The following FBXL17 variants were observed in gnomAD, a reference collection of about 807,000 sequenced individuals.
The protein encoded by FBXL17 is F-box and leucine rich repeat protein 17.
Under a neutral mutation model 66.2 loss-of-function variants are expected in FBXL17, and 22 were observed. That is an observed-to-expected ratio of 0.33 (90% CI 0.24 to 0.47). The LOEUF is 0.47. Ranked by LOEUF, FBXL17 falls within the 20% of genes least tolerant of loss-of-function variation. FBXL17 has a pLI of 1.00. For synonymous variants in FBXL17, 474 were observed against 400.5 expected (o/e 1.18, Z -2.19); for missense variants, 878 against 948.2 (o/e 0.93, Z 0.97).
chr5:108,332,334 A>T (rs1404452970), intron 4 of FBXL17, among the ~76,000 whole-genome samples: 1 of 152,166 alleles, frequency 6.6e-6, no homozygotes, highest in African/African-American at 2.4e-5. Context: ...TAACTAGTAA[A>T]ATTCTATGTT....
intron 6 of FBXL17, among the ~76,000 whole-genome samples, chr5:108,062,087 A>G (rs1747946417): frequency 6.6e-6 from 1 of 152,108 alleles, no homozygotes; most frequent in African/African-American, 2.4e-5. Context: ...AATAAATAAA[A>G]TTGAAAAGAT....
At chr5:108,257,139 T>C (rs1756610736) in intron 4 of FBXL17, among the ~76,000 whole-genome samples, 1 of 152,190 alleles carries the variant, frequency 6.6e-6, no homozygotes, top group Admixed American at 6.5e-5. Context: ...TGATTAGCTA[T>C]CACTTAAAAG....
chr5:107,970,052 T>C (rs1030045027), intron 7 of FBXL17, among the ~76,000 whole-genome samples: 3 of 152,294 alleles, frequency 2.0e-5, no homozygotes, highest in Admixed American at 6.5e-5. Context: ...ATAACATTTT[T>C]GTCAGCTGAA....
chr5:108,181,305 TAGTC>T (rs1318552922), intron 6 of FBXL17, among the ~76,000 whole-genome samples: 4 of 152,138 alleles, frequency 2.6e-5, no homozygotes, highest in African/African-American at 7.2e-5. Context: ...CTGATAGAAA[TAGTC>T]AGTGTCCTCT....
chr5:108,142,039 T>C (rs964730147), intron 6 of FBXL17, among the ~76,000 whole-genome samples: 11 of 152,238 alleles, frequency 7.2e-5, no homozygotes, highest in African/African-American at 2.7e-4. Context: ...TCCTTCAGAA[T>C]GGAGGTTGTT....
At chr5:108,354,793 T>A (rs1747869463) in intron 3 of FBXL17, among the ~76,000 whole-genome samples, 1 of 150,514 alleles carries the variant, frequency 6.6e-6, no homozygotes, top group East Asian at 1.9e-4. Context: ...ACACCTTACC[T>A]ACAGAGGGGC....
chr5:108,271,397 C>G (rs139540311), intron 4 of FBXL17, among the ~76,000 whole-genome samples: 1,719 of 152,298 alleles, frequency 0.011, 31 homozygotes, highest in African/African-American at 0.039. Flanking sequence ...AATATACACA[C>G]ACAGAACAAA....
chr5:108,228,563 C>A (rs1755194918), intron 4 of FBXL17, among the ~76,000 whole-genome samples: 1 of 152,132 alleles, frequency 6.6e-6, no homozygotes, highest in African/African-American at 2.4e-5. Flanking sequence ...TAAGATAATG[C>A]ATGTAAAATA....
intron 6 of FBXL17, among the ~76,000 whole-genome samples, chr5:108,028,642 C>G (rs1447870294): frequency 1.3e-5 from 2 of 152,024 alleles, no homozygotes; most frequent in African/African-American, 4.8e-5. Context: ...TGTGCTACAG[C>G]CAAAGACTGA....
At chr5:108,342,010 T>C (rs2112436492) in intron 4 of FBXL17, among the ~76,000 whole-genome samples, 1 of 152,320 alleles carries the variant, frequency 6.6e-6, no homozygotes, top group East Asian at 1.9e-4. Flanking sequence ...AGCACTATCA[T>C]GAGACCAGGA....
chr5:108,120,374 CATAGAAAACA>C (rs1360785336), intron 6 of FBXL17, among the ~76,000 whole-genome samples: 4 of 152,076 alleles, frequency 2.6e-5, no homozygotes, highest in Non-Finnish European at 5.9e-5. Flanking sequence ...TAAGATATTT[CATAGAAAACA>C]ATAAAAAACC....
chr5:108,152,657 T>C (rs917966433), intron 6 of FBXL17, among the ~76,000 whole-genome samples: 17 of 152,028 alleles, frequency 1.1e-4, no homozygotes, highest in African/African-American at 4.1e-4. Flanking sequence ...AAAAGTAAAG[T>C]GAAATACAAA....
rs1456052737 is a variant in FBXL17 at position 107,871,069 on chromosome 5, A to AAAAAAAAAAAAAAAAAAAAAAAAAAC, written c.1966-9210_1966-9209insGTTTTTTTTTTTTTTTTTTTTTTTTT. Among the ~76,000 whole-genome samples, 327 of 129,834 alleles carry AAAAAAAAAAAAAAAAAAAAAAAAAAC rather than the reference A, an allele frequency of 2.5e-3. 3 individuals are homozygous for AAAAAAAAAAAAAAAAAAAAAAAAAAC. Among genetic ancestry groups the AAAAAAAAAAAAAAAAAAAAAAAAAAC allele is most frequent in the Non-Finnish European group, 3.3e-3 (209 of 63,250 alleles). The allele number at this position is 129,834 out of a possible 152,430, so 85.2% of individuals were successfully genotyped here. A position where few individuals can be genotyped will look rare whatever the true frequency, so the allele number is the denominator to read the frequency against. On this transcript the variant is annotated intron_variant, in intron 8 of 8. Transcript: ENST00000542267. ...TACTCTTGGGCGGCAAAAAAAAAAAAAAAAAAAAAACCTCATCTAAAAATC... is the reference window on the plus strand; with the variant it reads ...TACTCTTGGGCGGCAAAAAAAAAAAAAAAAAAAAAAAAAAAAAAAAAAAAACAAAAAAAAAACCTCATCTAAAAATC...
At chr5:108,284,564 A>G (rs563628638) in intron 4 of FBXL17, among the ~76,000 whole-genome samples, 92 of 151,874 alleles carry the variant, frequency 6.1e-4, no homozygotes, top group African/African-American at 2.1e-3. Context: ...AGTGAGTGGG[A>G]GGGGGGAAGA....
chr5:108,034,025 G>GT (rs1267114183), intron 6 of FBXL17, among the ~76,000 whole-genome samples: 1 of 152,082 alleles, frequency 6.6e-6, no homozygotes, highest in Admixed American at 6.6e-5. Context: ...AATACTTGTT[G>GT]TAAACCCCAT....
In FBXL17 at chr5:108,278,879, C is replaced by T. The variant is rs76780455; in HGVS notation, c.1507-54651G>A. 3.5e-3 allele frequency among the ~76,000 whole-genome samples: 530 copies of T among 152,310 alleles called. 3 individuals are homozygous for T. The highest frequency in any genetic ancestry group is 0.012 in the African/African-American group (516 of 41,570). Reference sequence around the variant, plus strand: ...GCAAGCTTGACCAGTCCAGATGTGCCTGGCTTTGCCCAACCTCCTTTGACA... The same window carrying T: ...GCAAGCTTGACCAGTCCAGATGTGCTTGGCTTTGCCCAACCTCCTTTGACA... On this transcript the variant is annotated intron_variant, in intron 4 of 8. Coordinates refer to ENST00000542267, the MANE Select transcript of FBXL17 (RefSeq NM_001163315.3).
At chr5:107,865,580 T>C (rs1326180701) in intron 8 of FBXL17, among the ~76,000 whole-genome samples, 1 of 152,192 alleles carries the variant, frequency 6.6e-6, no homozygotes, top group Non-Finnish European at 1.5e-5. Flanking sequence ...AGACAATAAT[T>C]TGACTTTGTG....
At chr5:107,999,399 A>C (rs1753619121) in intron 7 of FBXL17, among the ~76,000 whole-genome samples, 1 of 151,862 alleles carries the variant, frequency 6.6e-6, no homozygotes, top group Non-Finnish European at 1.5e-5. Flanking sequence ...GCCGTTCTAC[A>C]AAGTGTGGGA....
At chr5:108,167,037 C>T (rs1233570100) in intron 6 of FBXL17, among the ~76,000 whole-genome samples, 1 of 151,956 alleles carries the variant, frequency 6.6e-6, no homozygotes, top group Admixed American at 6.6e-5. Context: ...TATTTTATGG[C>T]AGCATAAAAT....
Sources: allele counts gnomAD v4.1 joint callset (sites outside exome capture counted in the v4.1 genomes callset), GRCh38; gene constraint gnomAD v4.1.1; transcripts MANE v1.5; gene names NCBI Gene and HGNC (gene_info 2026-07-23, HGNC 2026-07-21).